CD55: variants seen among roughly 807,000 people sequenced by gnomAD.
CD55 encodes complement decay-accelerating factor.
CD55 carries 41 observed loss-of-function variants against 45.8 expected under a neutral mutation model. The observed-to-expected ratio is 0.90, with a 90% CI of 0.70 to 1.16. The LOEUF (loss-of-function observed/expected upper bound fraction) is 1.16. Among genes scored for constraint, CD55 ranks in the 50% most tolerant of loss-of-function variants. The probability of loss-of-function intolerance (pLI) is 0.00; values close to 1 mark genes in which losing one functional copy is unlikely to be tolerated. For missense variants in CD55, 416 were observed against 469.8 expected (o/e 0.89, Z 1.06); for synonymous variants, 181 against 181.1 (o/e 1.00, Z 0.01).
chr1:207,349,599 C>T (rs1655786126), intron 9 of CD55, among the ~76,000 whole-genome samples: 1 of 152,168 alleles, frequency 6.6e-6, no homozygotes, highest in Non-Finnish European at 1.5e-5. Context: ...TCATTCACCT[C>T]CCTGGTTAGC....
chr1:207,333,227 G>A (rs1655025531), intron 6 of CD55, among the ~76,000 whole-genome samples: 1 of 152,194 alleles, frequency 6.6e-6, no homozygotes, highest in Non-Finnish European at 1.5e-5. Context: ...GCACATCTGT[G>A]CTCATTTTGA....
chr1:207,360,332 C>T lies in CD55; in HGVS notation c.*722C>T, dbSNP rs41277228. 6.6e-5 allele frequency: 10 copies of T among 152,168 alleles called. No individual in the cohort carries two copies. The highest frequency in any genetic ancestry group is 1.0e-4 in the Non-Finnish European group (7 of 67,984). The allele number at this position is 152,168 out of a possible 1,614,324, so 9.4% of individuals were successfully genotyped here. Reference sequence around the variant, plus strand: ...AAAAGATTATATATTATTTCTGAATCGAGATGTCCATAGTCAAATTTGTAA... The same window carrying T: ...AAAAGATTATATATTATTTCTGAATTGAGATGTCCATAGTCAAATTTGTAA... On this transcript the variant is annotated 3_prime_UTR_variant, in exon 10 of 10. Coordinates refer to ENST00000367064, the MANE Select transcript of CD55 (RefSeq NM_000574.5).
chr1:207,325,264 G>A (rs1654621772), intron 3 of CD55, among the ~76,000 whole-genome samples: 1 of 151,142 alleles, frequency 6.6e-6, no homozygotes. Flanking sequence ...GAACCTGGGA[G>A]GCAGAGGTTG....
chr1:207,339,481 C>T, intron 9 of CD55, 64 bp downstream of exon 9: 1 of 1,196,230 alleles, frequency 8.4e-7, no homozygotes, highest in Non-Finnish European at 1.2e-6. Flanking sequence ...AATCCATATT[C>T]CTGGGAGATA....
intron 3 of CD55, 52 bp from the exon 4 acceptor site, chr1:207,325,570 T>C: frequency 9.2e-7 from 1 of 1,091,752 alleles, no homozygotes; most frequent in Non-Finnish European, 1.4e-6. Flanking sequence ...ACCTTCTTTG[T>C]GTGTATGCCT....
intron 6 of CD55, 75 bp downstream of exon 6, chr1:207,331,371 G>A: frequency 8.7e-7 from 1 of 1,147,214 alleles, no homozygotes; most frequent in Non-Finnish European, 1.3e-6. Flanking sequence ...GACATTCAAT[G>A]AACCCCCTAA....
intron 5 of CD55, 102 bp downstream of exon 5, chr1:207,326,939 C>A: frequency 1.3e-6 from 1 of 778,744 alleles, no homozygotes. Flanking sequence ...GTATTTGTAG[C>A]AAACCCACCT....
At chr1:207,337,123 A>C (rs945566336) in intron 7 of CD55, 1 of 605,946 alleles carries the variant, frequency 1.7e-6, no homozygotes, top group East Asian at 2.7e-5. Context: ...CAAAAACCCT[A>C]TCTACAAAGA....
chr1:207,357,396 A>G (rs1237218947), intron 9 of CD55, among the ~76,000 whole-genome samples: 2 of 152,168 alleles, frequency 1.3e-5, no homozygotes, highest in Non-Finnish European at 2.9e-5. Context: ...CTACTCTGAA[A>G]AAAAATAAAA....
At chr1:207,326,923 C>A in intron 5 of CD55, 86 bp downstream of exon 5, 3 of 960,202 alleles carry the variant, frequency 3.1e-6, no homozygotes, top group African/African-American at 1.6e-5. Context: ...AATATTAGCA[C>A]AGTGTGTATT....
chr1:207,324,298 A>ATT (rs57832566), intron 2 of CD55, among the ~76,000 whole-genome samples: 3 of 144,674 alleles, frequency 2.1e-5, no homozygotes, highest in Admixed American at 6.9e-5. Flanking sequence ...GGCAACTTAA[A>ATT]TTTTTTTTTT....
chr1:207,355,880 G>T (rs1421300203), intron 9 of CD55, among the ~76,000 whole-genome samples: 2 of 152,084 alleles, frequency 1.3e-5, no homozygotes, highest in Non-Finnish European at 2.9e-5. Context: ...CACTTAAGAA[G>T]CCTCTCAAAC....
At chr1:207,348,847 C>T (rs1322808177) in intron 9 of CD55, among the ~76,000 whole-genome samples, 7 of 152,100 alleles carry the variant, frequency 4.6e-5, no homozygotes, top group African/African-American at 7.2e-5. Context: ...TTGTTATTGT[C>T]GACTTCATTG....
intron 5 of CD55, among the ~76,000 whole-genome samples, chr1:207,328,228 T>C (rs1283437535): frequency 6.6e-6 from 1 of 152,158 alleles, no homozygotes; most frequent in African/African-American, 2.4e-5. Context: ...GACTCTTCTA[T>C]CCTCTCTGTG....
intron 9 of CD55, among the ~76,000 whole-genome samples, chr1:207,343,224 G>A (rs1278846866): frequency 6.6e-6 from 1 of 151,630 alleles, no homozygotes; most frequent in Non-Finnish European, 1.5e-5. Flanking sequence ...CTAATTTTGG[G>A]GTTGGTTTGT....
chr1:207,359,945 T>C lies in CD55; in HGVS notation c.*335T>C, dbSNP rs1656232962. ...AGGAAAGTGATTTTTTTCCACAAGA[T>C]CTGTAATGTTATTTCCACTTATAAA... On this transcript the variant is annotated 3_prime_UTR_variant, in exon 10 of 10. Transcript: ENST00000367064. 1 of 209,732 alleles carries C rather than the reference T, an allele frequency of 4.8e-6. No homozygotes were observed. Among genetic ancestry groups the C allele is most frequent in the South Asian group, 1.8e-4 (1 of 5,634 alleles). The allele number at this position is 209,732 out of a possible 1,614,324, so 13.0% of individuals were successfully genotyped here.
At chr1:207,353,452 A>G (rs1334892340) in intron 9 of CD55, among the ~76,000 whole-genome samples, 1 of 152,164 alleles carries the variant, frequency 6.6e-6, no homozygotes, top group African/African-American at 2.4e-5. Context: ...TGAATATGGC[A>G]TATATTACAG....
intron 5 of CD55, among the ~76,000 whole-genome samples, chr1:207,327,913 C>T (rs1395674792): frequency 1.3e-5 from 2 of 152,122 alleles, no homozygotes; most frequent in African/African-American, 4.8e-5. Context: ...CATTGCTACC[C>T]AGTAGCACCT....
rs1371082125 is a variant in CD55, at chr1:207,350,123, T to C, written c.1082-9423T>C. ...TACAACAATTGAGATGATCATGTGG[T>C]TTTTTTGTTTGTAGTTCTGTTTATG... On this transcript the variant is annotated intron_variant, in intron 9 of 9. Coordinates refer to ENST00000367064, the MANE Select transcript of CD55 (RefSeq NM_000574.5). 2 of 453,586 alleles carry C rather than the reference T, an allele frequency of 4.4e-6. 1 individual carries two copies. The highest frequency in any genetic ancestry group is 4.0e-5 in the African/African-American group (2 of 49,870). The allele number at this position is 453,586 out of a possible 1,614,324, so 28.1% of individuals were successfully genotyped here.
Sources: allele counts gnomAD v4.1 joint callset (sites outside exome capture counted in the v4.1 genomes callset), GRCh38; gene constraint gnomAD v4.1.1; transcripts MANE v1.5; gene names NCBI Gene and HGNC (gene_info 2026-07-23, HGNC 2026-07-21).